APBA2: variants seen among roughly 807,000 people sequenced by gnomAD.
The protein encoded by APBA2 is amyloid beta precursor protein binding family A member 2.
A neutral mutation model predicts 75.0 loss-of-function variants in APBA2; 30 were observed. That is an observed-to-expected ratio of 0.40 (90% CI 0.30 to 0.54). APBA2 has a LOEUF of 0.54. Ranked by LOEUF, APBA2 falls within the 20% of genes least tolerant of loss-of-function variation. APBA2 has a pLI of 0.49. For missense variants in APBA2, 801 were observed against 1,016.1 expected (o/e 0.79, Z 2.88); for synonymous variants, 444 against 409.6 (o/e 1.08, Z -1.01).
intron 1 of APBA2, among the ~76,000 whole-genome samples, chr15:28,898,324 A>G (rs1041429227): frequency 6.6e-6 from 1 of 152,226 alleles, no homozygotes; most frequent in Non-Finnish European, 1.5e-5. Flanking sequence ...CCAAAGTGCA[A>G]AGAAACCAGA....
At chr15:29,044,170 T>C (rs2041189902) in intron 3 of APBA2, among the ~76,000 whole-genome samples, 1 of 152,238 alleles carries the variant, frequency 6.6e-6, no homozygotes, top group South Asian at 2.1e-4. Flanking sequence ...CTATTTTTCA[T>C]CTGGTCTGCT....
At chr15:28,932,354 G>C (rs559313554) in intron 2 of APBA2, among the ~76,000 whole-genome samples, 2 of 152,242 alleles carry the variant, frequency 1.3e-5, no homozygotes, top group South Asian at 2.1e-4. Flanking sequence ...AGTGGGGTAG[G>C]GTTTAAAACC....
chr15:29,094,181 C>A, intron 7 of APBA2, 97 bp from the exon 8 acceptor site: 2 of 1,351,952 alleles, frequency 1.5e-6, no homozygotes, highest in Non-Finnish European at 2.1e-6. Flanking sequence ...GGCACCAGAC[C>A]TGAGAGTGGG....
intron 3 of APBA2, among the ~76,000 whole-genome samples, chr15:29,014,160 A>T (rs1421971481): frequency 6.6e-6 from 1 of 152,188 alleles, no homozygotes; most frequent in Non-Finnish European, 1.5e-5. Flanking sequence ...ATGCCTGCTT[A>T]TTGTGCTCAT....
At chr15:29,108,931 TC>T (rs1296111956) in intron 13 of APBA2, among the ~76,000 whole-genome samples, 4 of 152,178 alleles carry the variant, frequency 2.6e-5, no homozygotes, top group African/African-American at 9.7e-5. Context: ...CTGTACCAGT[TC>T]CCCAGGCCAG....
chr15:28,993,681 A>G (rs2038356336), intron 2 of APBA2, among the ~76,000 whole-genome samples: 1 of 152,104 alleles, frequency 6.6e-6, no homozygotes, highest in Admixed American at 6.5e-5. Context: ...CCTTTGTCGG[A>G]AGTCAGTGTG....
chr15:29,073,237 G>C (rs2042703071), intron 4 of APBA2, among the ~76,000 whole-genome samples: 1 of 152,264 alleles, frequency 6.6e-6, no homozygotes, highest in African/African-American at 2.4e-5. Flanking sequence ...GACTCCGAGA[G>C]AAGCCAGCCC....
intron 1 of APBA2, among the ~76,000 whole-genome samples, chr15:28,898,719 G>C (rs1193872446): frequency 6.6e-6 from 1 of 152,206 alleles, no homozygotes; most frequent in Non-Finnish European, 1.5e-5. Flanking sequence ...AAACAGAGCA[G>C]TTCATGATCT....
chr15:29,090,022 C>T (rs1445181582), intron 6 of APBA2, among the ~76,000 whole-genome samples: 2 of 152,158 alleles, frequency 1.3e-5, no homozygotes, highest in African/African-American at 4.8e-5. Context: ...GAGCTGTGCC[C>T]ATGAATCTGA....
In APBA2 at chr15:29,011,979, A is replaced by G. The variant is rs115605217; in HGVS notation, c.-41+16173A>G. Among the ~76,000 whole-genome samples, 1,221 of 152,292 alleles carry G rather than the reference A, an allele frequency of 8.0e-3. 12 individuals are homozygous for G. Among genetic ancestry groups the G allele is most frequent in the African/African-American group, 0.027 (1,135 of 41,572 alleles). On this transcript the variant is annotated intron_variant, in intron 3 of 14. Transcript: ENST00000683413. ...TATAGGTATATAAACTTTCTTTTTT[A>G]ACTTACTGCTTTAGAATAGTTTTAG...
intron 3 of APBA2, among the ~76,000 whole-genome samples, chr15:29,015,018 T>G (rs912953852): frequency 5.9e-5 from 9 of 152,178 alleles, no homozygotes; most frequent in Non-Finnish European, 1.3e-4. Flanking sequence ...GTGGACTTTT[T>G]TTTTGGTTTC....
chr15:29,026,452 C>T (rs564517352), intron 3 of APBA2, among the ~76,000 whole-genome samples: 1 of 152,302 alleles, frequency 6.6e-6, no homozygotes, highest in African/African-American at 2.4e-5. Context: ...CCAGTTAACC[C>T]TCTGTTATCC....
chr15:28,905,718 T>G (rs986574627), intron 1 of APBA2, among the ~76,000 whole-genome samples: 1 of 152,192 alleles, frequency 6.6e-6, no homozygotes, highest in African/African-American at 2.4e-5. Context: ...AAATGCTGTC[T>G]TCTAGCAATT....
intron 3 of APBA2, among the ~76,000 whole-genome samples, chr15:29,001,392 G>T (rs962953584): frequency 1.3e-5 from 2 of 152,074 alleles, no homozygotes; most frequent in East Asian, 1.9e-4. Flanking sequence ...AAAATCTTTT[G>T]TAGAGAGGGC....
chr15:28,948,009 G>T (rs1192562611), intron 2 of APBA2, among the ~76,000 whole-genome samples: 1 of 152,234 alleles, frequency 6.6e-6, no homozygotes, highest in Non-Finnish European at 1.5e-5. Flanking sequence ...GCCTTGCAGG[G>T]TGTTAGGGAG....
rs2038237676 is a variant in APBA2 at position 28,991,608 on chromosome 15, ATACCTGCCTT to A, written c.-94-4143_-94-4134del. Among the ~76,000 whole-genome samples the A allele has an allele frequency of 6.6e-6, 1 of 152,104 alleles. No individual in the cohort carries two copies. The highest frequency in any genetic ancestry group is 1.5e-5 in the Non-Finnish European group (1 of 68,010). On this transcript the variant is annotated intron_variant, in intron 2 of 14. Transcript: ENST00000683413. This position sits in a 1 kb window ranked among gnomAD's most constrained non-coding sequence, Gnocchi z 4.7. ...GAGATGGCGCTGATCAGTCTGGGGG[ATACCTGCCTT>A]TCAGTATGGGCTGCAGCCATTAGGC...
At chr15:28,889,171 C>T (rs1489306374) in intron 1 of APBA2, among the ~76,000 whole-genome samples, 2 of 152,166 alleles carry the variant, frequency 1.3e-5, no homozygotes, top group African/African-American at 4.8e-5. Context: ...AGCCTGCTGG[C>T]ACAGGCTGAG....
intron 1 of APBA2, among the ~76,000 whole-genome samples, chr15:28,903,967 T>C (rs2033006805): frequency 6.6e-6 from 1 of 152,202 alleles, no homozygotes; most frequent in Non-Finnish European, 1.5e-5. Flanking sequence ...GTGACAAAAT[T>C]AGGTTGAACC....
At chr15:29,013,401 T>C (rs1422076519) in intron 3 of APBA2, among the ~76,000 whole-genome samples, 1 of 147,384 alleles carries the variant, frequency 6.8e-6, no homozygotes, top group African/African-American at 2.5e-5. Flanking sequence ...TGCCTCAGCC[T>C]CCCAAGTAGC....
Sources: gnomAD v4.1 joint callset for allele counts (sites outside exome capture counted in the v4.1 genomes callset) on GRCh38, gnomAD v4.1.1 for gene constraint, Gnocchi (gnomAD v3.1) non-coding constraint, MANE v1.5 for transcripts, NCBI Gene and HGNC (gene_info 2026-07-23, HGNC 2026-07-21) for gene names.